Variants in GPR141 observed in about 807,000 individuals in gnomAD.
GPR141 encodes G protein-coupled receptor 141.
GPR141 carries 6 observed loss-of-function variants against 6.8 expected under a neutral mutation model. That is an observed-to-expected ratio of 0.88 (90% CI 0.48 to 1.74). GPR141 has a LOEUF of 1.74. Ranked by LOEUF, GPR141 falls within the 40% of genes most tolerant of loss-of-function variation. The pLI, the probability that GPR141 is intolerant of heterozygous loss-of-function variation, is 0.01. For synonymous variants in GPR141, 140 were observed against 142.3 expected, an observed-to-expected ratio of 0.98 and a Z score of 0.11; for missense variants, 372 against 372.9, an observed-to-expected ratio of 1.00 and a Z score of 0.02.
chr7:37,702,738 A>AT (rs1411036676), intron 2 of GPR141, among the ~76,000 whole-genome samples: 115 of 149,802 alleles, frequency 7.7e-4, no homozygotes, highest in Middle Eastern at 3.4e-3. Flanking sequence ...AAGTATAATA[A>AT]AAAATAAATA....
intron 2 of GPR141, among the ~76,000 whole-genome samples, 170 bp downstream of exon 2, chr7:37,685,753 T>G (rs1345303858): frequency 3.3e-5 from 3 of 91,428 alleles, no homozygotes; most frequent in African/African-American, 2.1e-4. Flanking sequence ...CTGGCAGCAC[T>G]TTTTTTTTTT....
intron 2 of GPR141, among the ~76,000 whole-genome samples, chr7:37,720,437 G>T (rs909209888): frequency 2.0e-5 from 3 of 152,162 alleles, no homozygotes; most frequent in Non-Finnish European, 4.4e-5. Flanking sequence ...AAGTACTTAA[G>T]AGTTCAAAAA....
At position 37,741,366 on chromosome 7, in the gene GPR141, A is replaced by G. The variant is rs1167344208; in HGVS notation, c.*55A>G. On this transcript the variant is annotated 3_prime_UTR_variant, in exon 3 of 3. Transcript: ENST00000334425. ...CTTTATATTGGGAATAAAAATGGGT[A>G]TAGGGGAGGTAAGAATGGTATTTCA... The G allele has an allele frequency of 4.7e-6, 6 of 1,279,386 alleles. No individual in the cohort carries two copies. Among genetic ancestry groups the G allele is most frequent in the African/African-American group, 1.5e-5 (1 of 67,318 alleles). The allele number at this position is 1,279,386 out of a possible 1,614,324, so 79.3% of individuals were successfully genotyped here.
chr7:37,703,383 G>A (rs2131764108), intron 2 of GPR141, among the ~76,000 whole-genome samples: 1 of 152,052 alleles, frequency 6.6e-6, no homozygotes, highest in Middle Eastern at 3.4e-3. Flanking sequence ...AGAACTTTTG[G>A]CCTTACTGAA....
At position 37,740,487 on chromosome 7, in the gene GPR141, C is replaced by T. The variant is rs757569854; in HGVS notation, c.94C>T (p.Leu32=). ...CTACTTCATAGTGCTTATTGGCGGGCTGGTGGGTGTCATTTCCATTCTTTT... is the reference window on the plus strand; with the variant it reads ...CTACTTCATAGTGCTTATTGGCGGGTTGGTGGGTGTCATTTCCATTCTTTT... ...SLYFIVLIGG[L]VGVISILFLL... is the part of the protein sequence containing the mutation. Residue 32 remains leucine (L), a synonymous_variant, in exon 3 of 3, where the codon CTG becomes TTG. Coordinates refer to ENST00000334425, the MANE Select transcript of GPR141 (RefSeq NM_001381946.1). The T allele has an allele frequency of 3.7e-6, 6 of 1,613,874 alleles. No individual in the cohort carries two copies. The Admixed American group carries it at 8.3e-5, about 22-fold the overall frequency.
chr7:37,729,707 T>C (rs901724902), intron 2 of GPR141, among the ~76,000 whole-genome samples: 1 of 152,352 alleles, frequency 6.6e-6, no homozygotes, highest in Admixed American at 6.5e-5. Flanking sequence ...GCAGTCTGTG[T>C]TTACACCTCA....
chr7:37,685,339 GTGTT>G (rs1175580958), intron 1 of GPR141, 117 bp from the exon 2 acceptor site: 1 of 152,008 alleles, frequency 6.6e-6, no homozygotes, highest in African/African-American at 2.4e-5. Context: ...GTGCGTGTGT[GTGTT>G]TCTCTCCCTC....
chr7:37,736,934 A>G (rs1478439701), intron 2 of GPR141, among the ~76,000 whole-genome samples: 3 of 152,214 alleles, frequency 2.0e-5, no homozygotes, highest in Non-Finnish European at 4.4e-5. Flanking sequence ...ATACAATACA[A>G]TAATATTGTG....
chr7:37,707,717 C>T (rs964610928), intron 2 of GPR141, among the ~76,000 whole-genome samples: 3 of 152,086 alleles, frequency 2.0e-5, no homozygotes, highest in Non-Finnish European at 2.9e-5. Flanking sequence ...TTAGAGCCAA[C>T]GCTTATAGTC....
intron 2 of GPR141, among the ~76,000 whole-genome samples, chr7:37,702,739 AAAATAAAT>A (rs889735975): frequency 4.7e-5 from 7 of 149,730 alleles, no homozygotes; most frequent in African/African-American, 1.2e-4. Context: ...AGTATAATAA[AAAATAAAT>A]AAATAAATAA....
intron 2 of GPR141, among the ~76,000 whole-genome samples, chr7:37,697,811 G>A (rs1474665127): frequency 6.6e-6 from 1 of 152,212 alleles, no homozygotes; most frequent in Non-Finnish European, 1.5e-5. Flanking sequence ...CTCTGGGCAC[G>A]AGGGATTTGA....
chr7:37,741,116 C>T lies in GPR141; in HGVS notation c.723C>T (p.Tyr241=), dbSNP rs777136035. 1.9e-6 allele frequency: 3 copies of T among 1,613,860 alleles called. No homozygotes were observed. The highest frequency in any genetic ancestry group is 1.7e-6 in the Non-Finnish European group (2 of 1,179,810). The change falls in exon 3 of 3, where the codon TAC becomes TAT. Residue 241 remains tyrosine, a synonymous_variant. Coordinates refer to ENST00000334425, the MANE Select transcript of GPR141 (RefSeq NM_001381946.1). ...IGVILVCFLP[Y]QFFRIYYLNV... ...TCATCCTTGTTTGTTTCCTTCCCTA[C>T]CAGTTCTTTAGGATCTATTACTTGA...
chr7:37,733,589 T>G (rs887157243), intron 2 of GPR141, among the ~76,000 whole-genome samples: 36 of 150,312 alleles, frequency 2.4e-4, no homozygotes, highest in African/African-American at 8.8e-4. Context: ...GGAGAATCAC[T>G]TGAAGCCGGG....
At chr7:37,733,671 CAA>C (rs55943222) in intron 2 of GPR141, among the ~76,000 whole-genome samples, 24,835 of 100,862 alleles carry the variant, frequency 0.25, 2,240 homozygotes, top group East Asian at 0.39. Context: ...AACTCCATCT[CAA>C]AAAAAAAAAA....
intron 2 of GPR141, among the ~76,000 whole-genome samples, chr7:37,712,516 A>G (rs1315217989): frequency 2.0e-5 from 3 of 152,172 alleles, no homozygotes; most frequent in Non-Finnish European, 4.4e-5. Context: ...TACTCCTCAC[A>G]CTACCTGCCC....
chr7:37,718,157 G>A (rs1411796324), intron 2 of GPR141, among the ~76,000 whole-genome samples: 2 of 151,450 alleles, frequency 1.3e-5, no homozygotes, highest in African/African-American at 2.4e-5. Flanking sequence ...ACCCTCATGG[G>A]GACTATAGTC....
At chr7:37,735,583 A>G (rs963751698) in intron 2 of GPR141, among the ~76,000 whole-genome samples, 4 of 152,218 alleles carry the variant, frequency 2.6e-5, no homozygotes, top group African/African-American at 9.6e-5. Flanking sequence ...ATGTTAGTAT[A>G]GTGGCAGAAA....
At chr7:37,706,611 A>G (rs1431061029) in intron 2 of GPR141, among the ~76,000 whole-genome samples, 4 of 151,660 alleles carry the variant, frequency 2.6e-5, no homozygotes, top group African/African-American at 9.7e-5. Context: ...AACTTTTAAG[A>G]GGATTCTAGC....
chr7:37,702,895 G>T (rs1583534358), intron 2 of GPR141, among the ~76,000 whole-genome samples: 1 of 149,434 alleles, frequency 6.7e-6, no homozygotes, highest in Non-Finnish European at 1.5e-5. Flanking sequence ...GTATTTTCTA[G>T]TATTTTAAAC....
Sources: allele counts gnomAD v4.1 joint callset (sites outside exome capture counted in the v4.1 genomes callset), GRCh38; gene constraint gnomAD v4.1.1; transcripts MANE v1.5; gene names NCBI Gene and HGNC (gene_info 2026-07-23, HGNC 2026-07-21).